Variants in MZT2A observed in about 807,000 individuals in gnomAD.
MZT2A encodes mitotic spindle organizing protein 2A, also known as mitotic-spindle organizing protein 2A.
Under a neutral mutation model 12.4 loss-of-function variants are expected in MZT2A, and 8 were observed. That is an observed-to-expected ratio of 0.64 (90% CI 0.38 to 1.16). The LOEUF is 1.16. Ranked by LOEUF, MZT2A falls within the 50% of genes most tolerant of loss-of-function variation. MZT2A has a pLI of 0.01. For synonymous variants in MZT2A, 88 were observed against 107.5 expected (o/e 0.82, Z 1.12); for missense variants, 181 against 223.6 (o/e 0.81, Z 1.22).
chr2:131,489,179 G>C (rs185025500), intron 2 of MZT2A, among the ~76,000 whole-genome samples: 76 of 152,192 alleles, frequency 5.0e-4, no homozygotes, highest in Admixed American at 5.0e-3. Flanking sequence ...CATTGCTAGT[G>C]GTTTTTCTTT....
rs200923342 is a variant in MZT2A, at chr2:131,490,792, T to C, written c.319+1084A>G. ...GAGAGAGAGGTGAGTGTGTGGCAGC[T>C]GGGCTGTGGAGCATAACCAGAGAGG... On this transcript the variant is annotated intron_variant, in intron 2 of 2. Coordinates refer to ENST00000309451, the MANE Select transcript of MZT2A (RefSeq NM_001085365.2). The C allele has an allele frequency of 1.0e-3, 1,622 of 1,549,834 alleles. 5 individuals carry two copies. The highest frequency in any genetic ancestry group is 6.8e-3 in the Middle Eastern group (41 of 5,986).
At position 131,484,119 on chromosome 2, in the gene MZT2A, G is replaced by A. The variant is rs1678957396; in HGVS notation, c.419C>T (p.Ala140Val). 4 of 1,613,960 alleles carry A rather than the reference G, an allele frequency of 2.5e-6. No homozygotes were observed. Among genetic ancestry groups the A allele is most frequent in the Non-Finnish European group, 3.4e-6 (4 of 1,180,000 alleles). The change falls in exon 3 of 3, where the codon GCT becomes GTT. Residue 140 changes from alanine to valine, a missense_variant. Ala to Val is a moderately conservative substitution (Grantham distance 64, BLOSUM62 0). Transcript: ENST00000309451. ...CCCGCCCCCCTTGGGCAGCCTGGTA[G>A]CGCTGGGCTGGCGTGGCATCCTCTG... The part of the protein sequence containing the change: ...SSQRMPRQPS[A>V]TRLPKGGGPG...
chr2:131,486,750 A>T (rs961637949), intron 2 of MZT2A, among the ~76,000 whole-genome samples: 16 of 152,150 alleles, frequency 1.1e-4, no homozygotes, highest in African/African-American at 3.9e-4. Flanking sequence ...CTCAGCCTCG[A>T]TGTAGCTGGG....
intron 2 of MZT2A, 133 bp downstream of exon 2, chr2:131,491,743 T>C (rs1679317949): frequency 8.1e-7 from 1 of 1,236,948 alleles, no homozygotes; most frequent in Admixed American, 2.6e-5. Context: ...GGATGGGCCC[T>C]GCAGGTGCTG....
chr2:131,491,047 A>G, intron 2 of MZT2A: 9 of 1,204,968 alleles, frequency 7.5e-6, no homozygotes, highest in Non-Finnish European at 1.1e-5. Context: ...ACGCCTTCTC[A>G]TGATGCCTGT....
At chr2:131,484,634 T>C (rs1352326169) in intron 2 of MZT2A, among the ~76,000 whole-genome samples, 1 of 152,178 alleles carries the variant, frequency 6.6e-6, no homozygotes, top group Non-Finnish European at 1.5e-5. Flanking sequence ...TCAAGGTGTG[T>C]TCACGCTGGA....
chr2:131,476,273 C>T, intron 2 of MZT2A: 1 of 1,611,084 alleles, frequency 6.2e-7, no homozygotes, highest in Admixed American at 1.7e-5. Flanking sequence ...GACAGAGGGA[C>T]GTTGTTGCGG....
At chr2:131,490,527 G>A (rs1436783350) in intron 2 of MZT2A, 1 of 1,461,206 alleles carries the variant, frequency 6.8e-7, no homozygotes, top group Non-Finnish European at 9.0e-7. Flanking sequence ...GGGGTCTAGA[G>A]ACTGCCACAC....
intron 1 of MZT2A, 86 bp from the exon 2 acceptor site, chr2:131,492,110 G>T (rs1429284627): frequency 1.9e-6 from 3 of 1,553,696 alleles, no homozygotes; most frequent in Admixed American, 1.9e-5. Context: ...GGGGGCGGGG[G>T]CAGCGGGGGC....
intron 2 of MZT2A, among the ~76,000 whole-genome samples, chr2:131,477,967 T>A (rs1678730213): frequency 6.6e-6 from 1 of 152,182 alleles, no homozygotes; most frequent in South Asian, 2.1e-4. Context: ...CTCTAGAACT[T>A]ACTAGCTAGT....
chr2:131,477,191 C>T (rs1237616163), intron 2 of MZT2A, among the ~76,000 whole-genome samples: 1 of 151,702 alleles, frequency 6.6e-6, no homozygotes, highest in Non-Finnish European at 1.5e-5. Flanking sequence ...GTGTGTGCCA[C>T]CACACCTGGC....
At chr2:131,485,017 T>G (rs1679000355) in intron 2 of MZT2A, among the ~76,000 whole-genome samples, 1 of 152,204 alleles carries the variant, frequency 6.6e-6, no homozygotes, top group African/African-American at 2.4e-5. Context: ...GCTCAGGGTG[T>G]TGACAGCATC....
chr2:131,490,839 A>C, intron 2 of MZT2A: 1 of 1,549,990 alleles, frequency 6.5e-7, no homozygotes, highest in South Asian at 1.2e-5. Flanking sequence ...GGGCTGGAGG[A>C]AAACGAGGGC....
chr2:131,484,371 C>T (rs573783490), intron 2 of MZT2A, among the ~76,000 whole-genome samples, 153 bp from the exon 3 acceptor site: 12 of 152,376 alleles, frequency 7.9e-5, no homozygotes, highest in East Asian at 5.8e-4. Context: ...AGTCCTGAGA[C>T]TCAGAACCAC....
chr2:131,478,474 G>A, intron 2 of MZT2A: 2 of 1,353,654 alleles, frequency 1.5e-6, no homozygotes, highest in Non-Finnish European at 2.0e-6. Flanking sequence ...GAATCCTCCT[G>A]CTGAAAGGAT....
At chr2:131,470,330 G>A (rs1363213903) in exon 4 of MZT2A, 45 of 1,220,576 alleles carry the variant, frequency 3.7e-5, no homozygotes, top group Admixed American at 5.3e-5. Flanking sequence ...TGTCTCTGAA[G>A]CTTCAACCAA....
intron 2 of MZT2A, 89 bp from the exon 3 acceptor site, chr2:131,484,307 T>C: frequency 1.3e-6 from 2 of 1,553,546 alleles, no homozygotes; most frequent in East Asian, 2.3e-5. Context: ...GCAACATTTG[T>C]GTCTACACAT....
chr2:131,482,844 A>G (rs1387988256), downstream of MZT2A: 4 of 1,613,066 alleles, frequency 2.5e-6, no homozygotes, highest in Non-Finnish European at 3.4e-6. Context: ...GGCGAAGAAT[A>G]CTGAGGGGAG....
chr2:131,491,184 G>A (rs1177424230), intron 2 of MZT2A: 2 of 494,386 alleles, frequency 4.0e-6, no homozygotes, highest in East Asian at 4.0e-5. Context: ...GATGAGCAGG[G>A]ACGGAGGCTC....
Sources: gnomAD v4.1 joint callset for allele counts (sites outside exome capture counted in the v4.1 genomes callset) on GRCh38, gnomAD v4.1.1 for gene constraint, MANE v1.5 for transcripts, NCBI Gene and HGNC (gene_info 2026-07-23, HGNC 2026-07-21) for gene names.